The following PLXNA4 variants were observed in gnomAD, a reference collection of about 807,000 sequenced individuals.
The protein encoded by PLXNA4 is plexin-A4.
PLXNA4 carries 44 observed loss-of-function variants against 191.8 expected under a neutral mutation model. That is an observed-to-expected ratio of 0.23 (90% confidence interval 0.18 to 0.29). PLXNA4 has a LOEUF of 0.29. Among genes scored for constraint, PLXNA4 ranks in the 10% least tolerant of loss-of-function variants. The pLI, the probability that PLXNA4 is intolerant of heterozygous loss-of-function variation, is 1.00. For synonymous variants in PLXNA4, 1,082 were observed against 1,009.5 expected (o/e 1.07, Z -1.36); for missense variants, 1,800 against 2,488.8 (o/e 0.72, Z 5.89).
At chr7:132,427,252 G>A (rs1470415239) in intron 3 of PLXNA4, among the ~76,000 whole-genome samples, 3 of 152,188 alleles carry the variant, frequency 2.0e-5, no homozygotes, top group Non-Finnish European at 2.9e-5. Context: ...TGGCGCACTG[G>A]ACGTCTGAGC....
At chr7:132,152,236 C>T (rs1485511584) in intron 25 of PLXNA4, among the ~76,000 whole-genome samples, 2 of 152,176 alleles carry the variant, frequency 1.3e-5, no homozygotes, top group African/African-American at 2.4e-5. Context: ...GGAACAGTGC[C>T]CTCTCCTAAG....
At chr7:132,176,153 C>T (rs1796448026) in intron 20 of PLXNA4, among the ~76,000 whole-genome samples, 2 of 152,160 alleles carry the variant, frequency 1.3e-5, no homozygotes, top group South Asian at 4.1e-4. Context: ...GCTTTCTGTG[C>T]CAGGAGAATC....
At chr7:132,579,478 G>A (rs199875105), upstream of PLXNA4, among the ~76,000 whole-genome samples, 2 of 150,144 alleles carry the variant, frequency 1.3e-5, no homozygotes, top group African/African-American at 4.9e-5. Flanking sequence ...AATATGGCTT[G>A]AGTTCCAGGC....
At chr7:132,633,033 C>T (rs1803524000) in intron 2 of PLXNA4, among the ~76,000 whole-genome samples, 1 of 152,154 alleles carries the variant, frequency 6.6e-6, no homozygotes, top group Non-Finnish European at 1.5e-5. Flanking sequence ...CCTGTGTCTG[C>T]TCCTATCCAA....
chr7:132,377,265 G>A (rs1804694256), intron 3 of PLXNA4, among the ~76,000 whole-genome samples: 1 of 152,010 alleles, frequency 6.6e-6, no homozygotes, highest in African/African-American at 2.4e-5. Context: ...AGCAAAAATT[G>A]CTTTAAATGA....
intron 3 of PLXNA4, among the ~76,000 whole-genome samples, chr7:132,437,546 G>C (rs1795520216): frequency 1.4e-5 from 2 of 145,960 alleles, no homozygotes; most frequent in Non-Finnish European, 3.0e-5. Flanking sequence ...AATGGAAGGA[G>C]AGCTGCATCT....
intron 3 of PLXNA4, among the ~76,000 whole-genome samples, chr7:132,448,294 A>G (rs896408158): frequency 4.6e-5 from 7 of 152,246 alleles, no homozygotes; most frequent in South Asian, 2.1e-4. Context: ...GAGGTACACT[A>G]GAGTGGCCAT....
intron 2 of PLXNA4, among the ~76,000 whole-genome samples, chr7:132,643,623 T>C (rs1245628379): frequency 6.6e-6 from 1 of 152,196 alleles, no homozygotes; most frequent in East Asian, 1.9e-4. Context: ...CAGTAAGTTG[T>C]GAAATCAATT....
intron 3 of PLXNA4, among the ~76,000 whole-genome samples, chr7:132,404,013 C>A (rs990470331): frequency 1.3e-5 from 2 of 152,176 alleles, no homozygotes; most frequent in Non-Finnish European, 1.5e-5. Context: ...CCCTGCTGTT[C>A]TGGGGAGCAG....
chr7:132,164,241 C>T lies in PLXNA4; in HGVS notation c.4401G>A (p.Gln1467=). Residue 1467 remains glutamine, a synonymous_variant, in exon 24 of 32, where the codon CAG becomes CAA. Coordinates refer to ENST00000321063, the MANE Select transcript of PLXNA4 (RefSeq NM_020911.2). The part of the protein sequence containing the change: ...PLFSLFCAIK[Q]QMEKGPIDAI... ...CGTCAATGGGGCCCTTCTCCATCTG[C>T]TGCTTGATGGCACAGAACAGGGAGA... 1 of 1,614,246 alleles carries T rather than the reference C, an allele frequency of 6.2e-7. No homozygotes were observed. Among genetic ancestry groups the T allele is most frequent in the Non-Finnish European group, 8.5e-7 (1 of 1,180,038 alleles).
chr7:132,421,992 C>A (rs1794866910), intron 3 of PLXNA4, among the ~76,000 whole-genome samples: 1 of 152,214 alleles, frequency 6.6e-6, no homozygotes, highest in Admixed American at 6.5e-5. Flanking sequence ...ATTCTCCCAA[C>A]AATGAGGTAA....
chr7:132,507,458 C>T, intron 2 of PLXNA4, 48 bp downstream of exon 2: 2 of 1,549,626 alleles, frequency 1.3e-6, no homozygotes, highest in Non-Finnish European at 8.7e-7. Flanking sequence ...CTGGGGTTCT[C>T]ATCCTACACT....
upstream of PLXNA4, among the ~76,000 whole-genome samples, chr7:132,581,362 G>A (rs938057848): frequency 6.6e-6 from 1 of 152,214 alleles, no homozygotes; most frequent in Admixed American, 6.5e-5. Context: ...GCATGTGGGT[G>A]CAAATCAGCA....
chr7:132,442,545 C>T (rs1006397349), intron 3 of PLXNA4, among the ~76,000 whole-genome samples: 11 of 152,202 alleles, frequency 7.2e-5, no homozygotes, highest in African/African-American at 2.7e-4. Context: ...CAATCTGCTG[C>T]TTCTCCATGG....
At chr7:132,277,477 C>T (rs1800324690) in intron 4 of PLXNA4, among the ~76,000 whole-genome samples, 1 of 152,162 alleles carries the variant, frequency 6.6e-6, no homozygotes, top group Non-Finnish European at 1.5e-5. Flanking sequence ...GTGAGGATGA[C>T]TCAGTATAGG....
At chr7:132,296,904 C>T (rs1469851131) in intron 4 of PLXNA4, among the ~76,000 whole-genome samples, 1 of 152,168 alleles carries the variant, frequency 6.6e-6, no homozygotes, top group East Asian at 1.9e-4. Context: ...AGACCATTCC[C>T]AAGCCATGGC....
intron 2 of PLXNA4, among the ~76,000 whole-genome samples, chr7:132,586,025 T>G (rs1246083280): frequency 1.3e-5 from 2 of 152,208 alleles, no homozygotes; most frequent in Non-Finnish European, 2.9e-5. Context: ...AGAGAGAATA[T>G]CTGAACTGCA....
intron 4 of PLXNA4, among the ~76,000 whole-genome samples, chr7:132,270,703 T>C (rs1185184501): frequency 6.6e-6 from 1 of 152,228 alleles, no homozygotes; most frequent in Non-Finnish European, 1.5e-5. Flanking sequence ...CAGAATCATT[T>C]ACAATGCGGA....
intron 25 of PLXNA4, among the ~76,000 whole-genome samples, chr7:132,150,875 G>A (rs190046205): frequency 3.6e-4 from 55 of 152,330 alleles, no homozygotes; most frequent in East Asian, 2.5e-3. Flanking sequence ...GCTGTGCAGT[G>A]CACAGCCTGG....
Sources: allele counts gnomAD v4.1 joint callset (sites outside exome capture counted in the v4.1 genomes callset), GRCh38; gene constraint gnomAD v4.1.1; transcripts MANE v1.5; gene names NCBI Gene and HGNC (gene_info 2026-07-23, HGNC 2026-07-21).